The following SUFU variants were observed in gnomAD, a reference collection of about 807,000 sequenced individuals.
SUFU encodes the protein SUFU negative regulator of hedgehog signaling, also known as suppressor of fused homolog.
A neutral mutation model predicts 58.9 loss-of-function variants in SUFU; 7 were observed. That is an observed-to-expected ratio of 0.12 (90% CI 0.07 to 0.22). The LOEUF (loss-of-function observed/expected upper bound fraction) is 0.22, where lower values mean the gene tolerates loss of function less well. Ranked by LOEUF, SUFU falls within the 10% of genes least tolerant of loss-of-function variation. The probability of loss-of-function intolerance (pLI) is 1.00; values close to 1 mark genes in which losing one functional copy is unlikely to be tolerated. For synonymous variants in SUFU, 232 were observed against 254.8 expected (o/e 0.91, Z 0.85); for missense variants, 451 against 641.3 (o/e 0.70, Z 3.20).
rs2063702487 is a variant in SUFU at position 102,617,795 on chromosome 10, T to C, written c.1296+367T>C. On this transcript the variant is annotated intron_variant, in intron 10 of 11. Coordinates refer to ENST00000369902, the MANE Select transcript of SUFU (RefSeq NM_016169.4). This position sits in a 1 kb window ranked among gnomAD's most constrained non-coding sequence, Gnocchi z 4.4. ...AAGGATGAAGCAAGATGGGAGGATG[T>C]GTGGAGGCCACTCTCCAATGGCTAC... 1 of 516,568 alleles carries C rather than the reference T, an allele frequency of 1.9e-6. No individual in the cohort carries two copies. The highest frequency in any genetic ancestry group is 1.9e-5 in the African/African-American group (1 of 52,678). The allele number at this position is 516,568 out of a possible 1,614,324, so 32.0% of individuals were successfully genotyped here. A position where few individuals can be genotyped will look rare whatever the true frequency, so the allele number is the denominator to read the frequency against.
chr10:102,573,995 A>G (rs2063188709), intron 3 of SUFU, among the ~76,000 whole-genome samples: 1 of 152,302 alleles, frequency 6.6e-6, no homozygotes, highest in East Asian at 1.9e-4. Flanking sequence ...TTTTACTACA[A>G]CTAAAACTGA....
At chr10:102,611,263 A>T (rs1368949566) in intron 8 of SUFU, among the ~76,000 whole-genome samples, 5 of 152,240 alleles carry the variant, frequency 3.3e-5, no homozygotes, top group African/African-American at 1.2e-4. Context: ...TTATGGGAAG[A>T]TGGATTCAGC....
rs913631009 is a variant in SUFU, at chr10:102,583,802, C to A, written c.455-8780C>A. On this transcript the variant is annotated intron_variant, in intron 3 of 11. Coordinates refer to ENST00000369902, the MANE Select transcript of SUFU (RefSeq NM_016169.4). ...ACATGTGCCATGTTGGTGTGCTGCA[C>A]CGATTAACTCGTCATTTAACATTAG... 2.0e-5 allele frequency among the ~76,000 whole-genome samples: 3 copies of A among 152,022 alleles called. No homozygotes were observed. The South Asian group carries it at 6.2e-4, about 31-fold the overall frequency.
At chr10:102,583,957 C>T (rs2063310963) in intron 3 of SUFU, among the ~76,000 whole-genome samples, 1 of 152,166 alleles carries the variant, frequency 6.6e-6, no homozygotes, top group Non-Finnish European at 1.5e-5. Context: ...AGGGAACTGG[C>T]CCATCTGTTT....
At chr10:102,511,546 G>A (rs10786671) in intron 2 of SUFU, among the ~76,000 whole-genome samples, 53,333 of 151,742 alleles carry the variant, frequency 0.35, 9,521 homozygotes, top group African/African-American at 0.39. Flanking sequence ...ACTGTCTTCC[G>A]TGTCATTGTG....
At chr10:102,517,216 G>A (rs959757272) in intron 2 of SUFU, among the ~76,000 whole-genome samples, 3 of 151,962 alleles carry the variant, frequency 2.0e-5, no homozygotes, top group Non-Finnish European at 2.9e-5. Flanking sequence ...TGGACTCGGG[G>A]GCCAGAGATT....
intron 3 of SUFU, among the ~76,000 whole-genome samples, chr10:102,587,332 C>G (rs577636072): frequency 1.3e-5 from 2 of 152,186 alleles, no homozygotes; most frequent in Non-Finnish European, 2.9e-5. Context: ...GCAATGCACA[C>G]GGATTCCAAA....
At chr10:102,624,630 C>G (rs1196229508) in intron 10 of SUFU, among the ~76,000 whole-genome samples, 2 of 152,172 alleles carry the variant, frequency 1.3e-5, no homozygotes, top group Non-Finnish European at 2.9e-5. Flanking sequence ...TGGCCATCCC[C>G]TCCCCCAACC....
At chr10:102,525,554 GTGCGATCT>G (rs1395257647) in intron 2 of SUFU, among the ~76,000 whole-genome samples, 4 of 152,282 alleles carry the variant, frequency 2.6e-5, no homozygotes, top group Non-Finnish European at 5.9e-5. Context: ...GAGTGTAGTG[GTGCGATCT>G]TGCGATCTCA....
intron 8 of SUFU, among the ~76,000 whole-genome samples, chr10:102,602,784 G>A (rs895518227): frequency 4.6e-5 from 7 of 152,160 alleles, no homozygotes; most frequent in African/African-American, 9.7e-5. Flanking sequence ...CTGCCTTCCC[G>A]GAAGGAGAGT....
intron 2 of SUFU, among the ~76,000 whole-genome samples, chr10:102,526,039 C>G (rs2062604744): frequency 6.7e-6 from 1 of 150,012 alleles, no homozygotes; most frequent in African/African-American, 2.5e-5. Context: ...CTCAGGAGTT[C>G]TGGGCTATTA....
At chr10:102,557,667 T>G (rs565813221) in intron 3 of SUFU, among the ~76,000 whole-genome samples, 1 of 152,230 alleles carries the variant, frequency 6.6e-6, no homozygotes, top group Admixed American at 6.5e-5. Flanking sequence ...TTGGCTCAGG[T>G]GACTGGGACA....
chr10:102,503,934 C>T (rs894714287), upstream of SUFU: 2 of 565,998 alleles, frequency 3.5e-6, no homozygotes, highest in Non-Finnish European at 2.9e-6. Context: ...GGCGCCCCGC[C>T]CCCCTTAGCG....
intron 2 of SUFU, among the ~76,000 whole-genome samples, chr10:102,511,335 C>A (rs11191310): frequency 0.043 from 6,584 of 151,936 alleles, 458 homozygotes; most frequent in African/African-American, 0.15. Context: ...ATTGTCATAT[C>A]CTCTTCTGGT....
chr10:102,615,448 C>T (rs780878987), intron 9 of SUFU, 46 bp downstream of exon 9: 4 of 1,613,618 alleles, frequency 2.5e-6, no homozygotes, highest in Admixed American at 1.7e-5. Flanking sequence ...CAGCACCCAG[C>T]TCAGCCTCCA....
At chr10:102,541,229 G>A (rs2062795750) in intron 2 of SUFU, among the ~76,000 whole-genome samples, 1 of 152,034 alleles carries the variant, frequency 6.6e-6, no homozygotes, top group Non-Finnish European at 1.5e-5. Flanking sequence ...ATACAAAAAG[G>A]TATATTCAAA....
chr10:102,555,078 C>T (rs530194779), intron 3 of SUFU, among the ~76,000 whole-genome samples: 1 of 152,094 alleles, frequency 6.6e-6, no homozygotes, highest in South Asian at 2.1e-4. Flanking sequence ...ACCATCCTGG[C>T]TAACACAGTG....
In SUFU at chr10:102,619,197, A is replaced by G; in HGVS notation, c.1296+1769A>G. 1 of 1,599,108 alleles carries G rather than the reference A, an allele frequency of 6.3e-7. No homozygotes were observed. On this transcript the variant is annotated intron_variant, in intron 10 of 11. Coordinates refer to ENST00000369902, the MANE Select transcript of SUFU (RefSeq NM_016169.4). The surrounding 1 kb of genome is among the most constrained non-coding windows in gnomAD (Gnocchi z 4.2). ...CCCCACAGGACTTCGCAGATGTCAC[A>G]TTGCCCCTCAGTCCCCTGAATGCCC...
At position 102,631,237 on chromosome 10, in the gene SUFU, C is replaced by T. The variant is rs1276398357; in HGVS notation, c.*1082C>T. The T allele has an allele frequency of 8.6e-6, 2 of 233,546 alleles. No individual in the cohort carries two copies. Among genetic ancestry groups the T allele is most frequent in the Non-Finnish European group, 1.7e-5 (2 of 118,228 alleles). 14.5% of individuals were successfully genotyped at this position (233,546 alleles called of 1,614,324 possible). On this transcript the variant is annotated 3_prime_UTR_variant, in exon 12 of 12. Coordinates refer to ENST00000369902, the MANE Select transcript of SUFU (RefSeq NM_016169.4). ...AATCCACCTCTTAACATCTCTTTCACTTTGGTTTTGCTAACACTGCTCTCT... is the reference window on the plus strand; with the variant it reads ...AATCCACCTCTTAACATCTCTTTCATTTTGGTTTTGCTAACACTGCTCTCT...
Sources: gnomAD v4.1 joint callset for allele counts (sites outside exome capture counted in the v4.1 genomes callset) on GRCh38, gnomAD v4.1.1 for gene constraint, Gnocchi (gnomAD v3.1) non-coding constraint, MANE v1.5 for transcripts, NCBI Gene and HGNC (gene_info 2026-07-23, HGNC 2026-07-21) for gene names.